Variants in CACNB4 observed in about 807,000 individuals in gnomAD.
The protein encoded by CACNB4 is voltage-dependent L-type calcium channel subunit beta-4.
Under a neutral mutation model 71.2 loss-of-function variants are expected in CACNB4, and 32 were observed. That is an observed-to-expected ratio of 0.45 (90% confidence interval 0.34 to 0.60). The LOEUF (loss-of-function observed/expected upper bound fraction) is 0.60. Among genes scored for constraint, CACNB4 ranks in the 20% least tolerant of loss-of-function variants. The pLI, the probability that CACNB4 is intolerant of heterozygous loss-of-function variation, is 0.01. For synonymous variants in CACNB4, 231 were observed against 236.9 expected, an observed-to-expected ratio of 0.97 and a Z score of 0.23; for missense variants, 464 against 647.9, an observed-to-expected ratio of 0.72 and a Z score of 3.08.
At chr2:151,882,481 G>A (rs2099848167) in intron 3 of CACNB4, among the ~76,000 whole-genome samples, 3 of 151,978 alleles carry the variant, frequency 2.0e-5, no homozygotes, top group African/African-American at 7.3e-5. Context: ...TGTCACGTAG[G>A]GCAAAGAGGA....
Position 151,872,480 on chromosome 2 carries a change from T to C in CACNB4, c.535A>G (p.Asn179Asp). The change falls in exon 6 of 14, where the codon AAT (asparagine) becomes GAT (aspartate). Residue 179 changes from asparagine (N) to aspartate (D), a missense_variant. By Grantham distance (23) the Asn-to-Asp change is conservative. Coordinates refer to ENST00000539935, the MANE Select transcript of CACNB4 (RefSeq NM_000726.5). ...GRFHGGKSSGNSSSSLGEMVS... is the reference protein window; with the variant it reads ...GRFHGGKSSGDSSSSLGEMVS... ...ATTTCTCCAAGACTTGAAGAAGAAT[T>C]TCCACTTGATTTCCTAGGATATAGA... 1 of 1,590,686 alleles carries C rather than the reference T, an allele frequency of 6.3e-7. No individual in the cohort carries two copies. The highest frequency in any genetic ancestry group is 2.2e-5 in the East Asian group (1 of 44,698).
intron 2 of CACNB4, among the ~76,000 whole-genome samples, chr2:152,063,442 A>G (rs1455609240): frequency 6.6e-6 from 1 of 152,206 alleles, no homozygotes; most frequent in Non-Finnish European, 1.5e-5. Context: ...GTTAGAAAAC[A>G]GCAGAGTCAG....
Position 151,883,260 on chromosome 2 carries a change from C to T in CACNB4, c.258G>A (p.Glu86=), listed in dbSNP as rs780015274. 3.7e-6 allele frequency: 6 copies of T among 1,613,858 alleles called. No homozygotes were observed. ...EREQQAAIQL[E]RAKSKPVAFA... ...AAGGAAAGAGACTCACCTTTGCTCTCTCAAGCTGGATAGCTGCTTGCTGTT... is the reference window on the plus strand; with the variant it reads ...AAGGAAAGAGACTCACCTTTGCTCTTTCAAGCTGGATAGCTGCTTGCTGTT... The change falls in exon 3 of 14, where the codon GAG becomes GAA. Residue 86 remains glutamate (E), a synonymous_variant. Transcript: ENST00000539935.
rs1397619058 is a variant in CACNB4, at chr2:151,832,930, C to T, written c.*6189G>A. 1 of 152,038 alleles carries T rather than the reference C, an allele frequency of 6.6e-6. No homozygotes were observed. Among genetic ancestry groups the T allele is most frequent in the Non-Finnish European group, 1.5e-5 (1 of 67,974 alleles). The allele number at this position is 152,038 out of a possible 1,614,324, so 9.4% of individuals were successfully genotyped here. A position where few individuals can be genotyped will look rare whatever the true frequency, so the allele number is the denominator to read the frequency against. On this transcript the variant is annotated 3_prime_UTR_variant, in exon 14 of 14. Coordinates refer to ENST00000539935, the MANE Select transcript of CACNB4 (RefSeq NM_000726.5). ...GTTTTTATTCACAAAAATAACACCACGTTTTTTTCTTTAAAGCCACTAAAG... is the reference window on the plus strand; with the variant it reads ...GTTTTTATTCACAAAAATAACACCATGTTTTTTTCTTTAAAGCCACTAAAG...
chr2:152,057,941 T>A (rs1215432432), intron 2 of CACNB4, among the ~76,000 whole-genome samples: 1 of 152,214 alleles, frequency 6.6e-6, no homozygotes, highest in East Asian at 1.9e-4. Context: ...AATCCCCATG[T>A]GTCATGGGAG....
rs1277965130 is a variant in CACNB4 at position 152,012,086 on chromosome 2, CCTT to C, written c.147+86241_147+86243del. Among the ~76,000 whole-genome samples the C allele has an allele frequency of 1.5e-4, 17 of 113,426 alleles. No individual in the cohort carries two copies. In the East Asian group the frequency reaches 3.6e-3, roughly 24 times the overall value. The allele number at this position is 113,426 out of a possible 152,430, so 74.4% of individuals were successfully genotyped here. On this transcript the variant is annotated intron_variant, in intron 2 of 13. Coordinates refer to ENST00000539935, the MANE Select transcript of CACNB4 (RefSeq NM_000726.5). ...TTTTATTTTTATTTTAGAGTATACT[CCTT>C]CTATTTATTAAAAAAAAAAAAAAAG...
rs1308357726 is a variant in CACNB4, at chr2:151,842,105, A to T, written c.1117-17T>A. 3.7e-6 allele frequency: 6 copies of T among 1,609,808 alleles called. 1 individual carries two copies. In the East Asian group the frequency reaches 1.3e-4, roughly 36 times the overall value. ...AAACATTTCCTGTAGATGACAAGAAAATCCACTTTACTTCCATTTTAGGTT... is the reference window on the plus strand; with the variant it reads ...AAACATTTCCTGTAGATGACAAGAATATCCACTTTACTTCCATTTTAGGTT... On this transcript the variant is annotated splice_polypyrimidine_tract_variant and intron_variant, in intron 12 of 13. Coordinates refer to ENST00000539935, the MANE Select transcript of CACNB4 (RefSeq NM_000726.5).
At chr2:152,018,785 C>G (rs144142485) in intron 2 of CACNB4, among the ~76,000 whole-genome samples, 1 of 146,822 alleles carries the variant, frequency 6.8e-6, no homozygotes, top group Non-Finnish European at 1.5e-5. Context: ...CCCTGGGCAA[C>G]ATAGTAAGAC....
intron 2 of CACNB4, among the ~76,000 whole-genome samples, chr2:152,043,695 T>A (rs1038961317): frequency 6.6e-6 from 1 of 152,180 alleles, no homozygotes; most frequent in South Asian, 2.1e-4. Flanking sequence ...TACATACACA[T>A]ATGTACACCT....
rs147901550 is a variant in CACNB4, at chr2:151,997,990, C to T, written c.147+100340G>A. Among the ~76,000 whole-genome samples, 473 of 152,194 alleles carry T rather than the reference C, an allele frequency of 3.1e-3. 4 individuals are homozygous for T. Among genetic ancestry groups the T allele is most frequent in the African/African-American group, 0.011 (452 of 41,512 alleles). On this transcript the variant is annotated intron_variant, in intron 2 of 13. Coordinates refer to ENST00000539935, the MANE Select transcript of CACNB4 (RefSeq NM_000726.5). The stretch of plus-strand genomic sequence containing the variant: ...CTGGCACAAATTTATCTACAGATCC[C>T]GAAGTCTACTCTACCTTCCAGAAAT...
At chr2:151,970,630 C>T (rs2099872272) in intron 2 of CACNB4, 1 of 152,158 alleles carries the variant, frequency 6.6e-6, no homozygotes, top group Non-Finnish European at 1.5e-5. Flanking sequence ...TGTATTAACA[C>T]ACAGTGGGGA....
chr2:151,978,511 G>C (rs1205615117), intron 2 of CACNB4, among the ~76,000 whole-genome samples: 1 of 152,164 alleles, frequency 6.6e-6, no homozygotes, highest in African/African-American at 2.4e-5. Context: ...CTTCCCAGCA[G>C]GGTAACGCTC....
At chr2:151,961,118 C>T (rs979667477) in intron 2 of CACNB4, among the ~76,000 whole-genome samples, 1 of 152,154 alleles carries the variant, frequency 6.6e-6, no homozygotes, top group Non-Finnish European at 1.5e-5. Flanking sequence ...AGGAGGCTGT[C>T]ATCAGAAATG....
intron 2 of CACNB4, among the ~76,000 whole-genome samples, chr2:152,091,725 C>T (rs191780388): frequency 1.1e-3 from 170 of 152,282 alleles, no homozygotes; most frequent in African/African-American, 3.9e-3. Flanking sequence ...CTCTACTTTC[C>T]ATCTCAGAGG....
chr2:152,021,390 A>C (rs1683659661), intron 2 of CACNB4, among the ~76,000 whole-genome samples: 1 of 152,186 alleles, frequency 6.6e-6, no homozygotes, highest in East Asian at 1.9e-4. Flanking sequence ...CAGATACTCA[A>C]AGGGTTAAAA....
chr2:152,046,895 C>A (rs1300537078), intron 2 of CACNB4, among the ~76,000 whole-genome samples: 1 of 152,156 alleles, frequency 6.6e-6, no homozygotes, highest in Non-Finnish European at 1.5e-5. Flanking sequence ...CTATCCTGGG[C>A]TATGAGCACT....
chr2:152,044,812 G>A (rs796213012), intron 2 of CACNB4, among the ~76,000 whole-genome samples: 2 of 152,114 alleles, frequency 1.3e-5, no homozygotes, highest in African/African-American at 4.8e-5. Context: ...AACTGCTACC[G>A]TGGGTCTCGT....
chr2:151,970,210 C>T (rs372165825), intron 2 of CACNB4: 3 of 152,126 alleles, frequency 2.0e-5, no homozygotes, highest in African/African-American at 7.2e-5. Flanking sequence ...CTAGTATGCT[C>T]AACATTTTCT....
At position 151,834,866 on chromosome 2, in the gene CACNB4, TCATA is replaced by T. The variant is rs771085329; in HGVS notation, c.*4249_*4252del. The T allele has an allele frequency of 1.3e-5, 2 of 151,960 alleles. No homozygotes were observed. Among genetic ancestry groups the T allele is most frequent in the Non-Finnish European group, 2.9e-5 (2 of 67,820 alleles). The allele number at this position is 151,960 out of a possible 1,614,324, so 9.4% of individuals were successfully genotyped here. ...ACATAATTTCCTATAAATTTTTCAT[TCATA>T]CAGTCATTCAAGGATGAGTTTTATA... On this transcript the variant is annotated 3_prime_UTR_variant, in exon 14 of 14. Transcript: ENST00000539935.
Sources: allele counts gnomAD v4.1 joint callset (sites outside exome capture counted in the v4.1 genomes callset), GRCh38; gene constraint gnomAD v4.1.1; transcripts MANE v1.5; gene names NCBI Gene and HGNC (gene_info 2026-07-23, HGNC 2026-07-21).